Variants in KSR2 observed in about 807,000 individuals in gnomAD.
KSR2 encodes the protein kinase suppressor of ras 2.
KSR2 carries 25 observed loss-of-function variants against 107.8 expected under a neutral mutation model. The ratio of observed to expected loss-of-function variants is 0.23; its 90% CI spans 0.17 to 0.32. The LOEUF (loss-of-function observed/expected upper bound fraction) is 0.32. KSR2 is among the 10% of genes least tolerant of loss of function. KSR2 has a pLI of 1.00. For synonymous variants in KSR2, 480 were observed against 507.0 expected (o/e 0.95, Z 0.71); for missense variants, 887 against 1,268.9 (o/e 0.70, Z 4.57).
In KSR2 at chr12:117,465,683, C is replaced by T. The variant is rs958526088; in HGVS notation, c.*1516G>A. 2.0e-5 allele frequency: 3 copies of T among 152,170 alleles called. No individual in the cohort carries two copies. Among genetic ancestry groups the T allele is most frequent in the African/African-American group, 7.2e-5 (3 of 41,426 alleles). 9.4% of individuals were successfully genotyped at this position (152,170 alleles called of 1,614,324 possible). A position where few individuals can be genotyped will look rare whatever the true frequency, so the allele number is the denominator to read the frequency against. On this transcript the variant is annotated 3_prime_UTR_variant, in exon 20 of 20. Coordinates refer to ENST00000339824, the MANE Select transcript of KSR2 (RefSeq NM_173598.6). ...AGGGAGATGCCTGGATAGATAGTAG[C>T]TACAAGAAAACTAAGGCCCAGGTAG...
chr12:117,590,359 C>T (rs145638457), intron 5 of KSR2, among the ~76,000 whole-genome samples: 218 of 152,254 alleles, frequency 1.4e-3, no homozygotes, highest in Middle Eastern at 6.8e-3. Flanking sequence ...GGGGCTTTGA[C>T]GTGAGCACAC....
At chr12:117,765,282 C>T (rs1889186080) in intron 3 of KSR2, among the ~76,000 whole-genome samples, 2 of 152,214 alleles carry the variant, frequency 1.3e-5, no homozygotes, top group Non-Finnish European at 1.5e-5. Flanking sequence ...TCAAATACTG[C>T]ACCATGAAGC....
rs542116335 is a variant in KSR2, at chr12:117,463,811, C to T, written c.*3388G>A. On this transcript the variant is annotated 3_prime_UTR_variant, in exon 20 of 20. Transcript: ENST00000339824. Reference sequence around the variant, plus strand: ...GTGGAAGGTGAGATAAGGCTGGTTTCGTGTGTTTGTGGGGAGGGGCATGAT... The same window carrying T: ...GTGGAAGGTGAGATAAGGCTGGTTTTGTGTGTTTGTGGGGAGGGGCATGAT... 5.3e-5 allele frequency: 8 copies of T among 152,134 alleles called. No individual in the cohort carries two copies. In the East Asian group the frequency reaches 5.8e-4, roughly 11 times the overall value. 9.4% of individuals were successfully genotyped at this position (152,134 alleles called of 1,614,324 possible).
chr12:117,906,072 C>T (rs906373391), intron 1 of KSR2, among the ~76,000 whole-genome samples: 5 of 152,078 alleles, frequency 3.3e-5, no homozygotes, highest in South Asian at 2.1e-4. Flanking sequence ...GCTTGCCAGC[C>T]GGGTACAGTG....
intron 4 of KSR2, among the ~76,000 whole-genome samples, chr12:117,750,119 ATGCACC>A (rs989903492): frequency 4.6e-5 from 7 of 152,078 alleles, no homozygotes; most frequent in African/African-American, 1.7e-4. Flanking sequence ...ACATGGTGGC[ATGCACC>A]TGTAATCTCA....
At position 117,524,554 on chromosome 12, in the gene KSR2, C is replaced by T. The variant is rs151036362; in HGVS notation, c.2219+298G>A. On this transcript the variant is annotated intron_variant, in intron 14 of 19. Coordinates refer to ENST00000339824, the MANE Select transcript of KSR2 (RefSeq NM_173598.6). ...TGATGGCACACACCTGTAGCGCCAG[C>T]TATTTGGGAGGCTGAAGCGAAAGGA... Among the ~76,000 whole-genome samples the T allele has an allele frequency of 6.4e-3, 969 of 152,180 alleles. 15 individuals carry two copies. The highest frequency in any genetic ancestry group is 0.022 in the African/African-American group (923 of 41,514).
chr12:117,818,952 G>A (rs190159962), intron 3 of KSR2, among the ~76,000 whole-genome samples: 3 of 152,236 alleles, frequency 2.0e-5, no homozygotes, highest in Admixed American at 2.0e-4. Context: ...TTGCTGACCA[G>A]GGCAGCCCCC....
chr12:117,828,014 G>C (rs960259437), intron 3 of KSR2, among the ~76,000 whole-genome samples: 1 of 152,124 alleles, frequency 6.6e-6, no homozygotes, highest in Non-Finnish European at 1.5e-5. Flanking sequence ...CTCCTGGGGA[G>C]AAAAAATGTA....
At chr12:117,547,343 A>C (rs930193536) in intron 9 of KSR2, among the ~76,000 whole-genome samples, 1 of 152,216 alleles carries the variant, frequency 6.6e-6, no homozygotes, top group Non-Finnish European at 1.5e-5. Flanking sequence ...AATGCCAAAA[A>C]GCAGGGAGCA....
Position 117,968,228 on chromosome 12 carries a change from C to G in KSR2, c.28G>C (p.Glu10Gln). The change falls in exon 1 of 20, where the codon GAG becomes CAG. Residue 10 changes from glutamate (E) to glutamine (Q), a missense_variant. By Grantham distance (29) the Glu-to-Gln change is conservative (BLOSUM62 2). Transcript: ENST00000339824. MDEENMTKS[E>Q]EQQPLSLQKA... ...TGCAAACTCAGAGGCTGCTGCTCCT[C>G]GCTTTTCGTCATGTTTTCCTCATCC... is the stretch of plus-strand genomic sequence containing the variant. 6.8e-7 allele frequency: 1 copy of G among 1,467,562 alleles called. No homozygotes were observed. Among genetic ancestry groups the G allele is most frequent in the Non-Finnish European group, 9.1e-7 (1 of 1,093,166 alleles). 90.9% of individuals were successfully genotyped at this position (1,467,562 alleles called of 1,614,324 possible). A position where few individuals can be genotyped will look rare whatever the true frequency, so the allele number is the denominator to read the frequency against.
At chr12:117,685,324 C>T (rs1364942635) in intron 4 of KSR2, among the ~76,000 whole-genome samples, 2 of 152,236 alleles carry the variant, frequency 1.3e-5, no homozygotes, top group Non-Finnish European at 2.9e-5. Flanking sequence ...TCATTTCCGA[C>T]TGAACCAGAG....
rs567644457 is a variant in KSR2, at chr12:117,894,648, T to C, written c.181-34217A>G. ...ATGGGAGCAGACTTCCCCCTAGCTG[T>C]TCTCACAAGACCTGGTTGTTTGAAA... On this transcript the variant is annotated intron_variant, in intron 1 of 19. Coordinates refer to ENST00000339824, the MANE Select transcript of KSR2 (RefSeq NM_173598.6). Among the ~76,000 whole-genome samples, 3 of 151,894 alleles carry C rather than the reference T, an allele frequency of 2.0e-5. No homozygotes were observed. The South Asian group carries it at 6.3e-4, about 32-fold the overall frequency.
chr12:117,777,610 T>C (rs1478724385), intron 3 of KSR2, among the ~76,000 whole-genome samples: 2 of 152,172 alleles, frequency 1.3e-5, no homozygotes, highest in Non-Finnish European at 2.9e-5. Context: ...AATCCACAAA[T>C]AATGAGGATC....
At chr12:117,682,945 T>C (rs1485653046) in intron 4 of KSR2, among the ~76,000 whole-genome samples, 2 of 151,974 alleles carry the variant, frequency 1.3e-5, no homozygotes, top group East Asian at 3.9e-4. Context: ...GCAGTTTCAG[T>C]GTGTTAGGGG....
intron 4 of KSR2, among the ~76,000 whole-genome samples, chr12:117,758,906 T>C (rs1888898174): frequency 6.6e-6 from 1 of 152,084 alleles, no homozygotes; most frequent in South Asian, 2.1e-4. Flanking sequence ...CAAATGCCTC[T>C]TCCACCCTCC....
intron 4 of KSR2, among the ~76,000 whole-genome samples, chr12:117,758,466 TCTC>T (rs1888874247): frequency 6.6e-6 from 1 of 152,122 alleles, no homozygotes; most frequent in Non-Finnish European, 1.5e-5. Flanking sequence ...ACTCTGTTCC[TCTC>T]CTCTACTGCT....
intron 5 of KSR2, among the ~76,000 whole-genome samples, chr12:117,597,526 G>A (rs564847233): frequency 6.9e-4 from 105 of 152,272 alleles, no homozygotes; most frequent in African/African-American, 2.3e-3. Flanking sequence ...AGGAAGAAGC[G>A]CTGCCTCTGG....
intron 1 of KSR2, among the ~76,000 whole-genome samples, chr12:117,870,326 C>T (rs1303650404): frequency 1.3e-5 from 2 of 152,182 alleles, no homozygotes; most frequent in Non-Finnish European, 2.9e-5. Context: ...CTCAGCCAGA[C>T]GTGGTGGCTC....
intron 1 of KSR2, among the ~76,000 whole-genome samples, chr12:117,903,991 T>A (rs1009226836): frequency 2.0e-5 from 3 of 152,094 alleles, no homozygotes; most frequent in Non-Finnish European, 4.4e-5. Context: ...AGAGCAAGAC[T>A]ACATCTCAAA....
Sources: allele counts gnomAD v4.1 joint callset (sites outside exome capture counted in the v4.1 genomes callset), GRCh38; gene constraint gnomAD v4.1.1; transcripts MANE v1.5; gene names NCBI Gene and HGNC (gene_info 2026-07-23, HGNC 2026-07-21).